The following CSMD3 variants were observed in gnomAD, a reference collection of about 807,000 sequenced individuals.
CSMD3 encodes CUB and Sushi multiple domains 3, also known as CUB and sushi domain-containing protein 3.
In CSMD3, 177 loss-of-function variants were observed where a neutral mutation model predicts 435.2. The ratio of observed to expected loss-of-function variants is 0.41; its 90% CI spans 0.36 to 0.46. The LOEUF (loss-of-function observed/expected upper bound fraction) is 0.46, where lower values mean the gene tolerates loss of function less well. CSMD3 is among the 20% of genes least tolerant of loss of function. The pLI is 0.34. For missense variants in CSMD3, 4,265 were observed against 4,504.6 expected, an observed-to-expected ratio of 0.95 and a Z score of 1.52; for synonymous variants, 1,656 against 1,520.5, an observed-to-expected ratio of 1.09 and a Z score of -2.07.
chr8:113,158,274 G>A (rs1052202266), intron 4 of CSMD3, among the ~76,000 whole-genome samples: 5 of 151,824 alleles, frequency 3.3e-5, no homozygotes, highest in Admixed American at 6.6e-5. Context: ...CATCACTAAC[G>A]CTACCATGAG....
At chr8:112,940,032 C>A (rs185761904) in intron 9 of CSMD3, among the ~76,000 whole-genome samples, 1 of 151,854 alleles carries the variant, frequency 6.6e-6, no homozygotes. Flanking sequence ...TACTAACGGT[C>A]TCTTTGTAAT....
At chr8:113,343,893 A>G (rs1167311228) in intron 1 of CSMD3, among the ~76,000 whole-genome samples, 2 of 152,164 alleles carry the variant, frequency 1.3e-5, no homozygotes, top group African/African-American at 4.8e-5. Context: ...TAACGTTATA[A>G]TCTATCTTAT....
In CSMD3 at chr8:113,019,004, A is replaced by G. The variant is rs990302925; in HGVS notation, c.1030+63T>C. 4 of 1,050,334 alleles carry G rather than the reference A, an allele frequency of 3.8e-6. No individual in the cohort carries two copies. In the African/African-American group the frequency reaches 4.7e-5, roughly 12 times the overall value. 65.1% of individuals were successfully genotyped at this position (1,050,334 alleles called of 1,614,324 possible). On this transcript the variant is annotated intron_variant, in intron 6 of 70. Coordinates refer to ENST00000297405, the MANE Select transcript of CSMD3 (RefSeq NM_198123.2). ...TAAAGACATTTTTCTATCACAAAAC[A>G]TAGTTGTGTACACCAAAATTATTTT...
intron 29 of CSMD3, among the ~76,000 whole-genome samples, chr8:112,506,432 T>C (rs1304098877): frequency 6.6e-6 from 1 of 152,086 alleles, no homozygotes; most frequent in East Asian, 1.9e-4. Flanking sequence ...TCCAATGAAA[T>C]CTTCAGGGAA....
chr8:113,251,921 A>C (rs561973193), intron 3 of CSMD3, among the ~76,000 whole-genome samples: 1 of 152,222 alleles, frequency 6.6e-6, no homozygotes, highest in East Asian at 1.9e-4. Flanking sequence ...GTGTATACAT[A>C]AATTAATTTG....
chr8:112,975,264 T>C (rs890492764), intron 7 of CSMD3, among the ~76,000 whole-genome samples: 8 of 152,054 alleles, frequency 5.3e-5, no homozygotes, highest in Non-Finnish European at 1.2e-4. Context: ...CTGTTACCTT[T>C]TCAAAATGAG....
chr8:112,984,993 A>ATGAT (rs1199047497), intron 6 of CSMD3, among the ~76,000 whole-genome samples: 2 of 94,734 alleles, frequency 2.1e-5, no homozygotes, highest in African/African-American at 3.8e-5. Context: ...ATGATAGATT[A>ATGAT]TGATAGATAG....
chr8:113,230,594 G>A (rs1157680633), intron 3 of CSMD3, among the ~76,000 whole-genome samples: 2 of 151,388 alleles, frequency 1.3e-5, no homozygotes, highest in Admixed American at 6.6e-5. Flanking sequence ...CACTTACAGA[G>A]TACTTACTGT....
intron 24 of CSMD3, among the ~76,000 whole-genome samples, chr8:112,566,617 T>C (rs974621609): frequency 1.3e-5 from 2 of 152,112 alleles, no homozygotes; most frequent in African/African-American, 4.8e-5. Flanking sequence ...AAAATCAAGC[T>C]GCAAACATAG....
chr8:112,857,845 T>C (rs1196722339), intron 11 of CSMD3, among the ~76,000 whole-genome samples: 2 of 151,774 alleles, frequency 1.3e-5, no homozygotes, highest in Non-Finnish European at 3.0e-5. Context: ...GTTTTTTTTT[T>C]TCCTCAACAA....
At chr8:112,497,800 C>A (rs898374940) in intron 30 of CSMD3, among the ~76,000 whole-genome samples, 1 of 151,724 alleles carries the variant, frequency 6.6e-6, no homozygotes, top group African/African-American at 2.4e-5. Flanking sequence ...AAACATTTAC[C>A]AAAATAAGAA....
intron 3 of CSMD3, among the ~76,000 whole-genome samples, chr8:113,208,671 GA>G (rs1249960014): frequency 1.1e-4 from 16 of 151,866 alleles, no homozygotes; most frequent in African/African-American, 3.9e-4. Context: ...AAATAAAGAT[GA>G]AAAAAGGTAA....
chr8:113,191,671 C>G (rs541521463), intron 3 of CSMD3, among the ~76,000 whole-genome samples: 1 of 151,678 alleles, frequency 6.6e-6, no homozygotes, highest in Admixed American at 6.6e-5. Context: ...TGATGGGCAC[C>G]TAGGCTGATT....
intron 13 of CSMD3, among the ~76,000 whole-genome samples, chr8:112,760,317 C>T (rs11997584): frequency 0.45 from 68,027 of 151,952 alleles, 16,317 homozygotes; most frequent in Non-Finnish European, 0.52. Context: ...GGATTTCTCA[C>T]TTCCTTTTGT....
intron 50 of CSMD3, among the ~76,000 whole-genome samples, chr8:112,306,643 A>C (rs1821447191): frequency 6.6e-6 from 1 of 152,186 alleles, no homozygotes; most frequent in African/African-American, 2.4e-5. Context: ...GTCAGGAATA[A>C]ATCAAATAGA....
At chr8:113,058,311 A>G (rs2088442337) in intron 5 of CSMD3, among the ~76,000 whole-genome samples, 1 of 151,964 alleles carries the variant, frequency 6.6e-6, no homozygotes, top group East Asian at 1.9e-4. Context: ...GAAGTAGAAC[A>G]TGACCTGATT....
chr8:113,254,920 C>T (rs1476721050), intron 3 of CSMD3, among the ~76,000 whole-genome samples: 1 of 151,814 alleles, frequency 6.6e-6, no homozygotes, highest in African/African-American at 2.4e-5. Flanking sequence ...AGATATTCAA[C>T]AAAAATTTAT....
chr8:112,884,612 A>G (rs1410231620), intron 10 of CSMD3, among the ~76,000 whole-genome samples: 1 of 151,398 alleles, frequency 6.6e-6, no homozygotes, highest in Admixed American at 6.6e-5. Flanking sequence ...ACATTGCCAA[A>G]TGTCTCCCAG....
Position 113,141,701 on chromosome 8 carries a change from T to G in CSMD3, c.709+32021A>C, listed in dbSNP as rs1020248700. Among the ~76,000 whole-genome samples, 4 of 150,954 alleles carry G rather than the reference T, an allele frequency of 2.6e-5. 1 individual carries two copies. In the Admixed American group the frequency reaches 2.7e-4, roughly 10 times the overall value. ...AACTTTCTCAACATAACAAAGAACA[T>G]TAACAAATAACCTATAGATAAATTT... On this transcript the variant is annotated intron_variant, in intron 4 of 70. Transcript: ENST00000297405.
Sources: gnomAD v4.1 joint callset for allele counts (sites outside exome capture counted in the v4.1 genomes callset) on GRCh38, gnomAD v4.1.1 for gene constraint, MANE v1.5 for transcripts, NCBI Gene and HGNC (gene_info 2026-07-23, HGNC 2026-07-21) for gene names.